Variants in KIAA0586 observed in about 807,000 individuals in gnomAD.
KIAA0586 encodes protein TALPID3.
KIAA0586 carries 144 observed loss-of-function variants against 169.8 expected under a neutral mutation model. That is an observed-to-expected ratio of 0.85 (90% CI 0.74 to 0.97). The LOEUF is 0.97. Ranked by LOEUF, KIAA0586 falls within the 50% of genes least tolerant of loss-of-function variation. KIAA0586 has a pLI of 0.00. For missense variants in KIAA0586, 1,854 were observed against 1,823.0 expected, an observed-to-expected ratio of 1.02 and a Z score of -0.31; for synonymous variants, 625 against 612.4, an observed-to-expected ratio of 1.02 and a Z score of -0.30.
intron 29 of KIAA0586, among the ~76,000 whole-genome samples, chr14:58,513,185 T>C (rs2044515031): frequency 6.6e-6 from 1 of 152,058 alleles, no homozygotes; most frequent in African/African-American, 2.4e-5. Flanking sequence ...GCCTTGTGTT[T>C]TGTTTGCCAT....
intron 30 of KIAA0586, among the ~76,000 whole-genome samples, chr14:58,542,216 C>T (rs751876365): frequency 1.3e-5 from 2 of 152,078 alleles, no homozygotes; most frequent in African/African-American, 4.8e-5. Context: ...CAGTGGCTCA[C>T]GCCTGTAATC....
At chr14:58,540,289 A>G (rs984395354) in intron 30 of KIAA0586, among the ~76,000 whole-genome samples, 153 bp downstream of exon 30, 3 of 152,216 alleles carry the variant, frequency 2.0e-5, no homozygotes, top group African/African-American at 7.2e-5. Flanking sequence ...CCCAGGTTAC[A>G]AACTCAGCTC....
At chr14:58,475,925 C>T (rs1401924722) in intron 19 of KIAA0586, among the ~76,000 whole-genome samples, 1 of 152,024 alleles carries the variant, frequency 6.6e-6, no homozygotes, top group Non-Finnish European at 1.5e-5. Flanking sequence ...CATGATGAAA[C>T]CCCGTCACTA....
At chr14:58,456,025 A>G (rs1056248932) in intron 9 of KIAA0586, among the ~76,000 whole-genome samples, 4 of 42,736 alleles carry the variant, frequency 9.4e-5, no homozygotes, top group Admixed American at 7.2e-4. Flanking sequence ...ATGTTAAACA[A>G]TTGCCACCGT....
chr14:58,487,070 G>A lies in KIAA0586; in HGVS notation c.3208G>A (p.Ala1070Thr), dbSNP rs2042504247. 6.2e-7 allele frequency: 1 copy of A among 1,613,392 alleles called. No homozygotes were observed. The highest frequency in any genetic ancestry group is 8.5e-7 in the Non-Finnish European group (1 of 1,179,398). The change falls in exon 22 of 31, where the codon GCT (alanine) becomes ACT (threonine). Residue 1070 changes from alanine (A) to threonine (T), a missense_variant. Coordinates refer to ENST00000652326, the MANE Select transcript of KIAA0586 (RefSeq NM_001329943.3). Reference sequence around the variant, plus strand: ...GCCTCCTTGCTCACCTTCATCACCTGCTAAGGAGTGTGTTTTGGTAAAGAC... The same window carrying A: ...GCCTCCTTGCTCACCTTCATCACCTACTAAGGAGTGTGTTTTGGTAAAGAC... ...PTPPCSPSSP[A>T]KECVLVKTPD... is the part of the protein sequence containing the mutation.
intron 29 of KIAA0586, among the ~76,000 whole-genome samples, chr14:58,537,879 C>T (rs866443437): frequency 2.4e-4 from 36 of 152,202 alleles, no homozygotes; most frequent in Admixed American, 2.0e-4. Flanking sequence ...GATCTCCTGA[C>T]CTCCTGATCT....
At chr14:58,506,990 T>A (rs2044002833) in intron 27 of KIAA0586, among the ~76,000 whole-genome samples, 1 of 151,590 alleles carries the variant, frequency 6.6e-6, no homozygotes, top group Non-Finnish European at 1.5e-5. Context: ...CTACTAAAAA[T>A]ACAAAAAATT....
chr14:58,482,334 G>C (rs2042089850), intron 20 of KIAA0586, among the ~76,000 whole-genome samples, 179 bp from the exon 21 acceptor site: 1 of 152,000 alleles, frequency 6.6e-6, no homozygotes, highest in African/African-American at 2.4e-5. Context: ...GCTAAGGCAG[G>C]AGAATCGCTT....
intron 4 of KIAA0586, among the ~76,000 whole-genome samples, chr14:58,440,374 C>T (rs1187106321): frequency 6.6e-6 from 1 of 152,028 alleles, no homozygotes; most frequent in East Asian, 1.9e-4. Flanking sequence ...TCTTGTCGCC[C>T]AGGCTGGAAT....
At chr14:58,470,561 A>G in intron 16 of KIAA0586, 52 bp from the exon 17 acceptor site, 1 of 1,093,018 alleles carries the variant, frequency 9.1e-7, no homozygotes, top group Non-Finnish European at 1.4e-6. Flanking sequence ...ACTCATAAAA[A>G]TATTTGAGTA....
intron 15 of KIAA0586, among the ~76,000 whole-genome samples, chr14:58,467,252 A>G (rs144725963): frequency 1.1e-3 from 163 of 152,290 alleles, no homozygotes; most frequent in Non-Finnish European, 2.0e-3. Flanking sequence ...GCACATGGTA[A>G]TATACAAATT....
At chr14:58,440,438 TCTCCTGCCTCAGC>T (rs1434091855) in intron 4 of KIAA0586, among the ~76,000 whole-genome samples, 2 of 151,874 alleles carry the variant, frequency 1.3e-5, no homozygotes, top group East Asian at 3.9e-4. Flanking sequence ...TTCAAGCGAT[TCTCCTGCCTCAGC>T]CTCCTGAGTA....
intron 4 of KIAA0586, among the ~76,000 whole-genome samples, chr14:58,436,487 T>C (rs1175373193): frequency 6.6e-6 from 1 of 152,170 alleles, no homozygotes; most frequent in Non-Finnish European, 1.5e-5. Flanking sequence ...ATGGGAAGAC[T>C]AAGCGCTGTA....
chr14:58,528,979 G>T (rs1015028887), intron 29 of KIAA0586, among the ~76,000 whole-genome samples: 1 of 152,040 alleles, frequency 6.6e-6, no homozygotes, highest in Non-Finnish European at 1.5e-5. Context: ...AAGAAGAAAA[G>T]AGAGAAGAAT....
At chr14:58,440,237 T>A (rs1300839377) in intron 4 of KIAA0586, 2 of 434,104 alleles carry the variant, frequency 4.6e-6, no homozygotes, top group South Asian at 1.6e-5. Flanking sequence ...CTGAGTGACC[T>A]TCCTTTCTTT....
At chr14:58,553,540 T>TG (rs1381506636), downstream of KIAA0586, among the ~76,000 whole-genome samples, 1 of 151,716 alleles carries the variant, frequency 6.6e-6, no homozygotes, top group Non-Finnish European at 1.5e-5. Context: ...ATCTGGGTTT[T>TG]TTTTTTTTTT....
chr14:58,493,481 G>C lies in KIAA0586; in HGVS notation c.3990+1206G>C, dbSNP rs2042954278. ...TATAGTGCTGTTTCTATCATATCTG[G>C]TTGTCTTCGCATGAACAAATGTCAA... On this transcript the variant is annotated intron_variant, in intron 26 of 30. Transcript: ENST00000652326. 2.0e-5 allele frequency among the ~76,000 whole-genome samples: 3 copies of C among 152,136 alleles called. No homozygotes were observed. The South Asian group carries it at 6.2e-4, about 32-fold the overall frequency.
intron 13 of KIAA0586, 66 bp downstream of exon 13, chr14:58,460,136 T>G: frequency 1.0e-6 from 1 of 956,224 alleles, no homozygotes; most frequent in East Asian, 2.6e-5. Flanking sequence ...CTTTAAGAGA[T>G]AAATAATGAA....
chr14:58,539,589 A>G (rs865933203), intron 29 of KIAA0586, among the ~76,000 whole-genome samples: 6 of 152,284 alleles, frequency 3.9e-5, no homozygotes, highest in East Asian at 3.9e-4. Context: ...TTGCTTTGCT[A>G]TAATAGTGTA....
Sources: gnomAD v4.1 joint callset for allele counts (sites outside exome capture counted in the v4.1 genomes callset) on GRCh38, gnomAD v4.1.1 for gene constraint, MANE v1.5 for transcripts, NCBI Gene and HGNC (gene_info 2026-07-23, HGNC 2026-07-21) for gene names.